The following PTPRB variants were observed in gnomAD, a reference collection of about 807,000 sequenced individuals.
PTPRB encodes protein tyrosine phosphatase receptor type B.
A neutral mutation model predicts 238.1 loss-of-function variants in PTPRB; 97 were observed. The observed-to-expected ratio is 0.41, with a 90% CI of 0.35 to 0.48. PTPRB has a LOEUF of 0.48. Ranked by LOEUF, PTPRB falls within the 20% of genes least tolerant of loss-of-function variation. The probability of loss-of-function intolerance (pLI) is 0.30; values close to 1 mark genes in which losing one functional copy is unlikely to be tolerated. For missense variants in PTPRB, 2,292 were observed against 2,681.9 expected (o/e 0.85, Z 3.21); for synonymous variants, 970 against 995.4 (o/e 0.97, Z 0.48).
At chr12:70,535,430 G>A (rs1873978666) in intron 29 of PTPRB, among the ~76,000 whole-genome samples, 1 of 152,012 alleles carries the variant, frequency 6.6e-6, no homozygotes, top group African/African-American at 2.4e-5. Context: ...TGAGAAGTTA[G>A]AACGTTTAGC....
At chr12:70,531,938 A>AGTT in intron 32 of PTPRB, 97 bp downstream of exon 32, 1 of 1,382,278 alleles carries the variant, frequency 7.2e-7, no homozygotes, top group Non-Finnish European at 1.0e-6. Context: ...AATGTGTCAT[A>AGTT]GTTATTTCCC....
Position 70,594,715 on chromosome 12 carries a change from G to A in PTPRB, c.1268C>T (p.Pro423Leu), listed in dbSNP as rs761305994. ...VYTNGSTVPSPVKDIGISTKA... is the reference protein window; with the variant it reads ...VYTNGSTVPSLVKDIGISTKA... ...TGTGGAAATACCAATATCTTTCACTGGAGATGGCACTAGTGGGATAAAATG... is the reference window on the plus strand; with the variant it reads ...TGTGGAAATACCAATATCTTTCACTAGAGATGGCACTAGTGGGATAAAATG... The change falls in exon 6 of 34, where the codon CCA (proline) becomes CTA (leucine). Residue 423 changes from proline (P) to leucine (L), a missense_variant. By Grantham distance (98) the Pro-to-Leu change is moderately conservative. Coordinates refer to ENST00000334414, the MANE Select transcript of PTPRB (RefSeq NM_001109754.4). 1.9e-6 allele frequency: 3 copies of A among 1,613,880 alleles called. No homozygotes were observed. Among genetic ancestry groups the A allele is most frequent in the Non-Finnish European group, 2.5e-6 (3 of 1,179,784 alleles).
intron 20 of PTPRB, among the ~76,000 whole-genome samples, chr12:70,554,857 A>G (rs181924031): frequency 6.6e-6 from 1 of 152,326 alleles, no homozygotes; most frequent in East Asian, 1.9e-4. Flanking sequence ...TGCACTTCCA[A>G]TAGTGCACAG....
Position 70,626,359 on chromosome 12 carries a change from CTAT to C in PTPRB, c.452-3716_452-3714del, listed in dbSNP as rs1215691722. ...TCTATCTATCTATCTATCTATCTATCTATCTATATTCCTGCCTGCCTGCCTGCC... is the reference window on the plus strand; with the variant it reads ...TCTATCTATCTATCTATCTATCTATCCTATATTCCTGCCTGCCTGCCTGCC... On this transcript the variant is annotated intron_variant, in intron 2 of 33. Transcript: ENST00000334414. Among the ~76,000 whole-genome samples the C allele has an allele frequency of 2.1e-3, 263 of 126,864 alleles. 1 individual carries two copies. Among genetic ancestry groups the C allele is most frequent in the Non-Finnish European group, 2.6e-3 (160 of 62,550 alleles). The allele number at this position is 126,864 out of a possible 152,430, so 83.2% of individuals were successfully genotyped here.
intron 11 of PTPRB, among the ~76,000 whole-genome samples, chr12:70,572,931 G>A (rs1880256344): frequency 1.3e-5 from 2 of 152,010 alleles, no homozygotes; most frequent in Non-Finnish European, 2.9e-5. Flanking sequence ...ACATCCATTT[G>A]ACTGGCAAAA....
At chr12:70,581,422 G>T in intron 9 of PTPRB, 120 bp from the exon 10 acceptor site, 1 of 1,033,546 alleles carries the variant, frequency 9.7e-7, no homozygotes, top group Non-Finnish European at 1.4e-6. Context: ...TTGTGTTGTT[G>T]CTATAGACTC....
chr12:70,522,950 C>T (rs1871839894), intron 33 of PTPRB, among the ~76,000 whole-genome samples: 1 of 146,358 alleles, frequency 6.8e-6, no homozygotes, highest in Admixed American at 7.0e-5. Flanking sequence ...GCAACCTTCG[C>T]CTCTCGGGTT....
In PTPRB at chr12:70,609,978, G is replaced by GTTGCTGCTGCTCCTGCCGCCC. The variant is rs1197798632; in HGVS notation, c.709-640_709-639insGGGCGGCAGGAGCAGCAGCAA. ...CGCAGGGGCCACTGCGGCCACCGCT[G>GTTGCTGCTGCTCCTGCCGCCC]CTGCTGCTGCTCCTGCCGCCCCGGG... On this transcript the variant is annotated intron_variant, in intron 3 of 33. Transcript: ENST00000334414. 791 of 445,894 alleles carry GTTGCTGCTGCTCCTGCCGCCC rather than the reference G, an allele frequency of 1.8e-3. 19 individuals are homozygous for GTTGCTGCTGCTCCTGCCGCCC. The East Asian group carries it at 0.033, about 18-fold the overall frequency. The allele number at this position is 445,894 out of a possible 1,614,324, so 27.6% of individuals were successfully genotyped here. A position where few individuals can be genotyped will look rare whatever the true frequency, so the allele number is the denominator to read the frequency against.
chr12:70,610,528 C>G (rs1374860537), intron 3 of PTPRB, among the ~76,000 whole-genome samples: 1 of 152,062 alleles, frequency 6.6e-6, no homozygotes, highest in Non-Finnish European at 1.5e-5. Flanking sequence ...GTCGCCTGCA[C>G]TCTTTCCTGA....
At chr12:70,563,413 G>A (rs2717442) in intron 15 of PTPRB, among the ~76,000 whole-genome samples, 1 of 152,122 alleles carries the variant, frequency 6.6e-6, no homozygotes, top group African/African-American at 2.4e-5. Flanking sequence ...AAACAGAACA[G>A]GACATCTGCC....
chr12:70,531,998 G>A (rs1174726204), intron 32 of PTPRB, 37 bp downstream of exon 32: 1 of 1,612,990 alleles, frequency 6.2e-7, no homozygotes, highest in African/African-American at 1.3e-5. Flanking sequence ...ACAGTGGGGA[G>A]GAGGGTGGCC....
chr12:70,583,133 T>C (rs1237747027), intron 9 of PTPRB, among the ~76,000 whole-genome samples: 1 of 152,126 alleles, frequency 6.6e-6, no homozygotes, highest in Admixed American at 6.5e-5. Context: ...TTTACAATAC[T>C]TTGGAAAGCA....
chr12:70,536,297 A>C, intron 28 of PTPRB, 138 bp from the exon 29 acceptor site: 4 of 998,224 alleles, frequency 4.0e-6, no homozygotes, highest in Non-Finnish European at 5.8e-6. Flanking sequence ...CACAAGTGTC[A>C]ATGCTTGGGA....
At chr12:70,552,449 A>T (rs939077804) in intron 21 of PTPRB, among the ~76,000 whole-genome samples, 1 of 145,922 alleles carries the variant, frequency 6.9e-6, no homozygotes, top group Admixed American at 7.2e-5. Flanking sequence ...GCACCACTGC[A>T]CTCCAGTCTG....
intron 18 of PTPRB, among the ~76,000 whole-genome samples, chr12:70,557,956 C>T (rs1265935416): frequency 6.6e-6 from 1 of 152,176 alleles, no homozygotes; most frequent in African/African-American, 2.4e-5. Context: ...ACAGACAATG[C>T]GCCCTTCTGT....
At position 70,575,022 on chromosome 12, in the gene PTPRB, T is replaced by C. The variant is rs568878959; in HGVS notation, c.2842+1360A>G. Among the ~76,000 whole-genome samples, 310 of 152,332 alleles carry C rather than the reference T, an allele frequency of 2.0e-3. 3 individuals carry two copies. Among genetic ancestry groups the C allele is most frequent in the Middle Eastern group, 0.01 (3 of 294 alleles). On this transcript the variant is annotated intron_variant, in intron 11 of 33. Transcript: ENST00000334414. ...CTCCAAGTTGATCAATATGAGACCC[T>C]GACATAAGACTGCTTTGTAAATAGA...
rs1195521036 is a variant in PTPRB, at chr12:70,562,858, A to G, written c.4154T>C (p.Ile1385Thr). ...HSGELSNESF[I>T]FGRTVPASVS... ...CTTGGTCTTACCTGTTCTACCAAAT[A>G]TGAAAGACTCATTAGACAGCTCCCC... is the stretch of plus-strand genomic sequence containing the variant. The change falls in exon 16 of 34, where the codon ATA (isoleucine) becomes ACA (threonine). Residue 1385 changes from isoleucine to threonine, a missense_variant. Coordinates refer to ENST00000334414, the MANE Select transcript of PTPRB (RefSeq NM_001109754.4). 1.2e-6 allele frequency: 2 copies of G among 1,613,930 alleles called. No homozygotes were observed. The highest frequency in any genetic ancestry group is 2.2e-5 in the East Asian group (1 of 44,872).
chr12:70,528,027 A>C (rs952490473), intron 32 of PTPRB, among the ~76,000 whole-genome samples: 6 of 152,242 alleles, frequency 3.9e-5, no homozygotes, highest in Non-Finnish European at 8.8e-5. Flanking sequence ...TTAAAATGCA[A>C]TTAATGCCAT....
intron 3 of PTPRB, among the ~76,000 whole-genome samples, chr12:70,616,590 C>T (rs1884689732): frequency 6.6e-6 from 1 of 152,162 alleles, no homozygotes; most frequent in Non-Finnish European, 1.5e-5. Context: ...GAATATGTAT[C>T]TTTCAAAAGC....
Sources: gnomAD v4.1 joint callset for allele counts (sites outside exome capture counted in the v4.1 genomes callset) on GRCh38, gnomAD v4.1.1 for gene constraint, MANE v1.5 for transcripts, NCBI Gene and HGNC (gene_info 2026-07-23, HGNC 2026-07-21) for gene names.